Variants in RDX observed in about 807,000 individuals in gnomAD.
RDX encodes the protein deafness, autosomal recessive 24.
In RDX, 32 loss-of-function variants were observed where a neutral mutation model predicts 83.7. The ratio of observed to expected loss-of-function variants is 0.38; its 90% confidence interval spans 0.29 to 0.51. RDX has a LOEUF of 0.51. Among genes scored for constraint, RDX ranks in the 20% least tolerant of loss-of-function variants. The pLI, the probability that RDX is intolerant of heterozygous loss-of-function variation, is 0.87. For synonymous variants in RDX, 229 were observed against 222.7 expected, an observed-to-expected ratio of 1.03 and a Z score of -0.25; for missense variants, 600 against 689.9, an observed-to-expected ratio of 0.87 and a Z score of 1.46.
Position 110,253,991 on chromosome 11 carries a change from A to G in RDX, c.914T>C (p.Met305Thr), listed in dbSNP as rs761276998. The G allele has an allele frequency of 6.2e-7, 1 of 1,613,754 alleles. No individual in the cohort carries two copies. The highest frequency in any genetic ancestry group is 1.1e-5 in the South Asian group (1 of 91,074). ...RKPDTIEVQQ[M>T]KAQAREEKHQ... Reference sequence around the variant, plus strand: ...TTTCTCCTCCCTAGCCTGAGCCTTCATCTGTTGTACTTCAATAGTATCAGG... The same window carrying G: ...TTTCTCCTCCCTAGCCTGAGCCTTCGTCTGTTGTACTTCAATAGTATCAGG... Residue 305 changes from methionine (M) to threonine (T), a missense_variant, in exon 9 of 14, where the codon ATG becomes ACG. Coordinates refer to ENST00000645495, the MANE Select transcript of RDX (RefSeq NM_002906.4).
chr11:110,269,916 C>T (rs1860231071), intron 3 of RDX, among the ~76,000 whole-genome samples: 1 of 152,048 alleles, frequency 6.6e-6, no homozygotes, highest in African/African-American at 2.4e-5. Context: ...GTGGAGCACA[C>T]TTGTGGTCCC....
intron 10 of RDX, chr11:110,237,883 C>A (rs940415328): frequency 1.8e-6 from 1 of 567,890 alleles, no homozygotes; most frequent in Non-Finnish European, 3.3e-6. Flanking sequence ...GCAATCCTCC[C>A]GCCTCAGCCT....
At chr11:110,184,065 C>T (rs1023584862) in intron 15 of RDX, among the ~76,000 whole-genome samples, 3 of 152,184 alleles carry the variant, frequency 2.0e-5, no homozygotes, top group South Asian at 4.1e-4. Context: ...TGGAAGACCA[C>T]CAGTGTGCAA....
chr11:110,233,999 C>T (rs868685006), intron 12 of RDX, among the ~76,000 whole-genome samples: 4 of 152,150 alleles, frequency 2.6e-5, no homozygotes, highest in African/African-American at 9.7e-5. Flanking sequence ...TATCTAACAT[C>T]ACCAATTATT....
chr11:110,221,287 G>A (rs1180069637), intron 14 of RDX, among the ~76,000 whole-genome samples: 2 of 152,034 alleles, frequency 1.3e-5, no homozygotes, highest in Non-Finnish European at 2.9e-5. Flanking sequence ...TACTTGTGGT[G>A]CAAGAAAATC....
In RDX at chr11:110,258,200, CAAAA is replaced by C; in HGVS notation, c.468-15_468-12del. The stretch of plus-strand genomic sequence containing the variant: ...TGTTGTTCCAATACACTAAGAGGAC[CAAAA>C]AAAAAAAAAAATTATAATGACTTTA... On this transcript the variant is annotated splice_polypyrimidine_tract_variant and intron_variant, in intron 5 of 13. Transcript: ENST00000645495. The C allele has an allele frequency of 4.2e-5, 52 of 1,223,548 alleles. No individual in the cohort carries two copies. The highest frequency in any genetic ancestry group is 5.4e-5 in the Non-Finnish European group (48 of 889,292). The allele number at this position is 1,223,548 out of a possible 1,614,324, so 75.8% of individuals were successfully genotyped here. A position where few individuals can be genotyped will look rare whatever the true frequency, so the allele number is the denominator to read the frequency against.
intron 14 of RDX, among the ~76,000 whole-genome samples, chr11:110,204,600 TC>T (rs1223592575): frequency 1.4e-5 from 2 of 146,902 alleles, no homozygotes; most frequent in Non-Finnish European, 3.0e-5. Flanking sequence ...CACTGCAACT[TC>T]CGCCTCCCGG....
At chr11:110,187,353 C>A (rs1863007567) in intron 15 of RDX, among the ~76,000 whole-genome samples, 1 of 152,208 alleles carries the variant, frequency 6.6e-6, no homozygotes, top group Non-Finnish European at 1.5e-5. Context: ...CCCATCCTTC[C>A]TGTATGGAGT....
At chr11:110,267,515 A>AACACACACACAC (rs71053877) in intron 3 of RDX, among the ~76,000 whole-genome samples, 82 of 131,452 alleles carry the variant, frequency 6.2e-4, no homozygotes, top group East Asian at 1.4e-3. Context: ...TCCGTCTCAA[A>AACACACACACAC]ACACACACAC....
Position 110,263,398 on chromosome 11 carries a change from C to T in RDX, c.467+562G>A, listed in dbSNP as rs80237553. The stretch of plus-strand genomic sequence containing the variant: ...AGCAGCAACAGTCACATCCTTTCCT[C>T]AAGTCCAAATTATCACTGCCTCCAT... On this transcript the variant is annotated intron_variant, in intron 5 of 13. Coordinates refer to ENST00000645495, the MANE Select transcript of RDX (RefSeq NM_002906.4). 922 of 152,332 alleles carry T rather than the reference C, an allele frequency of 6.1e-3. 4 individuals are homozygous for T. The highest frequency in any genetic ancestry group is 0.02 in the African/African-American group (825 of 41,510). The allele number at this position is 152,332 out of a possible 1,614,324, so 9.4% of individuals were successfully genotyped here.
At chr11:110,184,430 A>C (rs1862946745) in intron 15 of RDX, among the ~76,000 whole-genome samples, 1 of 151,762 alleles carries the variant, frequency 6.6e-6, no homozygotes, top group Non-Finnish European at 1.5e-5. Context: ...TCCCTGAGGG[A>C]CTGTGCAGAA....
chr11:110,259,141 T>C (rs956150056), intron 5 of RDX, among the ~76,000 whole-genome samples: 1 of 152,178 alleles, frequency 6.6e-6, no homozygotes, highest in African/African-American at 2.4e-5. Context: ...TTTCGCCATG[T>C]TGGCCAGGTT....
At chr11:110,253,813 ACTGT>A (rs1362569223) in intron 9 of RDX, 129 bp downstream of exon 9, 3 of 780,310 alleles carry the variant, frequency 3.8e-6, no homozygotes, top group Non-Finnish European at 4.2e-6. Context: ...GAGTGATAAT[ACTGT>A]CTTTGAATTT....
At chr11:110,271,198 G>A (rs1317673561) in intron 3 of RDX, among the ~76,000 whole-genome samples, 2 of 152,136 alleles carry the variant, frequency 1.3e-5, no homozygotes, top group Non-Finnish European at 2.9e-5. Context: ...TACTTGTCAG[G>A]AGAATAAACA....
intron 12 of RDX, 85 bp from the exon 13 acceptor site, chr11:110,233,564 A>C: frequency 7.1e-7 from 1 of 1,415,042 alleles, no homozygotes; most frequent in East Asian, 2.3e-5. Context: ...TTTTAATAGA[A>C]ACTGTATTTC....
downstream of RDX, among the ~76,000 whole-genome samples, chr11:110,225,299 A>G (rs933107006): frequency 6.6e-6 from 1 of 152,254 alleles, no homozygotes; most frequent in African/African-American, 2.4e-5. Context: ...ATCAAGGGCA[A>G]AAAGGCAATT....
intron 14 of RDX, among the ~76,000 whole-genome samples, chr11:110,215,407 AATAAAAT>A (rs1864012739): frequency 6.6e-6 from 1 of 150,574 alleles, no homozygotes; most frequent in African/African-American, 2.4e-5. Flanking sequence ...TAAATAAATA[AATAAAAT>A]AATAATAATG....
intron 1 of RDX, among the ~76,000 whole-genome samples, chr11:110,281,529 G>A (rs951594689): frequency 2.6e-5 from 4 of 152,128 alleles, no homozygotes; most frequent in Non-Finnish European, 5.9e-5. Flanking sequence ...GTTTCATCAT[G>A]TTGGCCAGGC....
chr11:110,201,356 A>G lies in RDX; in HGVS notation c.1749-1678T>C, dbSNP rs1028563489. Reference sequence around the variant, plus strand: ...AATTATTTTTCATGAAAATAATGAGAAAATTTAGGAGAGCATGAGAAAGGA... The same window carrying G: ...AATTATTTTTCATGAAAATAATGAGGAAATTTAGGAGAGCATGAGAAAGGA... On this transcript the variant is annotated intron_variant, in intron 14 of 15. Transcript: ENST00000528498. Among the ~76,000 whole-genome samples, 11 of 152,286 alleles carry G rather than the reference A, an allele frequency of 7.2e-5. No individual in the cohort carries two copies. In the South Asian group the frequency reaches 2.3e-3, roughly 32 times the overall value.
Sources: gnomAD v4.1 joint callset for allele counts (sites outside exome capture counted in the v4.1 genomes callset) on GRCh38, gnomAD v4.1.1 for gene constraint, MANE v1.5 for transcripts, NCBI Gene and HGNC (gene_info 2026-07-23, HGNC 2026-07-21) for gene names.